ARHGAP10: variants seen among roughly 807,000 people sequenced by gnomAD.
ARHGAP10 encodes rho GTPase-activating protein 10.
ARHGAP10 carries 87 observed loss-of-function variants against 108.6 expected under a neutral mutation model. The observed-to-expected ratio is 0.80, with a 90% confidence interval of 0.67 to 0.96. The LOEUF (loss-of-function observed/expected upper bound fraction) is 0.96. Ranked by LOEUF, ARHGAP10 falls within the 40% of genes least tolerant of loss-of-function variation. The pLI is 0.00. For synonymous variants in ARHGAP10, 347 were observed against 341.1 expected (o/e 1.02, Z -0.19); for missense variants, 939 against 954.5 (o/e 0.98, Z 0.21).
At chr4:147,733,683 AGC>A (rs1728314638) in intron 1 of ARHGAP10, among the ~76,000 whole-genome samples, 1 of 152,220 alleles carries the variant, frequency 6.6e-6, no homozygotes, top group Admixed American at 6.5e-5. Context: ...TCGGGCACCC[AGC>A]ATGGTGCCTG....
intron 1 of ARHGAP10, among the ~76,000 whole-genome samples, chr4:147,734,353 T>G (rs1728341478): frequency 6.6e-6 from 1 of 152,216 alleles, no homozygotes; most frequent in South Asian, 2.1e-4. Context: ...GACTGTAGAC[T>G]TTCTTGAATT....
chr4:148,023,452 G>A, intron 19 of ARHGAP10, 39 bp downstream of exon 19: 1 of 1,599,822 alleles, frequency 6.3e-7, no homozygotes, highest in South Asian at 1.1e-5. Context: ...ATAGCATGTT[G>A]AGAGTATGGC....
chr4:148,049,503 G>T (rs1729030133), intron 20 of ARHGAP10, among the ~76,000 whole-genome samples: 1 of 152,070 alleles, frequency 6.6e-6, no homozygotes, highest in African/African-American at 2.4e-5. Flanking sequence ...GGTTCTCTTT[G>T]CCTCAAATAT....
chr4:147,921,627 T>C (rs1277699572), intron 13 of ARHGAP10, among the ~76,000 whole-genome samples: 1 of 152,132 alleles, frequency 6.6e-6, no homozygotes, highest in East Asian at 1.9e-4. Context: ...AATAACAAAA[T>C]GGCTAAATGT....
intron 16 of ARHGAP10, among the ~76,000 whole-genome samples, chr4:147,962,437 GAT>G (rs973135075): frequency 3.3e-5 from 5 of 152,146 alleles, no homozygotes; most frequent in African/African-American, 1.2e-4. Context: ...GGCCTTTTAA[GAT>G]ATTGTTTCAT....
intron 10 of ARHGAP10, among the ~76,000 whole-genome samples, chr4:147,889,684 C>G (rs1735713639): frequency 6.6e-6 from 1 of 151,996 alleles, no homozygotes; most frequent in African/African-American, 2.4e-5. Flanking sequence ...TTACAAGTAT[C>G]TGTTTTTGCT....
intron 3 of ARHGAP10, among the ~76,000 whole-genome samples, chr4:147,837,109 T>C (rs1450588200): frequency 2.0e-5 from 3 of 152,126 alleles, no homozygotes; most frequent in Non-Finnish European, 4.4e-5. Context: ...GTGGGGGAAC[T>C]TTATTGGCCA....
chr4:148,007,632 C>T (rs548281846), intron 18 of ARHGAP10, among the ~76,000 whole-genome samples: 51 of 152,346 alleles, frequency 3.3e-4, no homozygotes, highest in African/African-American at 1.1e-3. Flanking sequence ...ACACAGAACT[C>T]GCTGTCTCCC....
At chr4:147,786,577 C>G (rs930942967) in intron 1 of ARHGAP10, among the ~76,000 whole-genome samples, 51 of 152,100 alleles carry the variant, frequency 3.4e-4, no homozygotes, top group Admixed American at 3.3e-3. Context: ...TTTCAATGTA[C>G]AGCAGTAGGA....
intron 1 of ARHGAP10, among the ~76,000 whole-genome samples, chr4:147,757,949 T>C (rs1204019856): frequency 6.6e-6 from 1 of 152,172 alleles, no homozygotes; most frequent in Non-Finnish European, 1.5e-5. Context: ...GCAGGCACCA[T>C]ACAAATACAA....
intron 4 of ARHGAP10, among the ~76,000 whole-genome samples, chr4:147,848,365 C>T (rs1733719305): frequency 6.6e-6 from 1 of 152,236 alleles, no homozygotes; most frequent in Admixed American, 6.5e-5. Flanking sequence ...CAGGCTCCTT[C>T]CTTGGATAGT....
chr4:147,891,567 C>G (rs1478613332), intron 10 of ARHGAP10, among the ~76,000 whole-genome samples: 2 of 152,138 alleles, frequency 1.3e-5, no homozygotes, highest in Non-Finnish European at 2.9e-5. Flanking sequence ...GGATATGTTA[C>G]AAGCTGTTGA....
chr4:147,899,842 A>G (rs1051663902), intron 10 of ARHGAP10, among the ~76,000 whole-genome samples: 2 of 150,000 alleles, frequency 1.3e-5, no homozygotes, highest in East Asian at 1.9e-4. Context: ...CCCTTCTCAT[A>G]ATAAAATGTA....
At chr4:147,793,592 G>A (rs1731207163) in intron 1 of ARHGAP10, among the ~76,000 whole-genome samples, 1 of 152,114 alleles carries the variant, frequency 6.6e-6, no homozygotes. Context: ...TCAGAGTAGG[G>A]AATAAAAGTA....
chr4:148,071,564 C>T (rs1730179333), intron 22 of ARHGAP10, among the ~76,000 whole-genome samples: 1 of 151,978 alleles, frequency 6.6e-6, no homozygotes, highest in African/African-American at 2.4e-5. Context: ...TGCAGTGAGC[C>T]GAGATCGCGC....
chr4:147,751,276 T>C (rs532528339), intron 1 of ARHGAP10, among the ~76,000 whole-genome samples: 1 of 152,308 alleles, frequency 6.6e-6, no homozygotes, highest in African/African-American at 2.4e-5. Flanking sequence ...GTTTAGCTAT[T>C]GTTAAACATT....
At chr4:147,965,380 C>T (rs1739167338) in intron 17 of ARHGAP10, among the ~76,000 whole-genome samples, 1 of 152,200 alleles carries the variant, frequency 6.6e-6, no homozygotes, top group Admixed American at 6.5e-5. Flanking sequence ...ATACATTACC[C>T]TATACACAGA....
chr4:148,033,765 C>A (rs1328486493), intron 19 of ARHGAP10, among the ~76,000 whole-genome samples: 1 of 152,086 alleles, frequency 6.6e-6, no homozygotes, highest in Non-Finnish European at 1.5e-5. Flanking sequence ...GAATGGAGTC[C>A]CTTTAGCATG....
At chr4:148,066,881 G>A (rs1729902768) in intron 22 of ARHGAP10, among the ~76,000 whole-genome samples, 1 of 152,204 alleles carries the variant, frequency 6.6e-6, no homozygotes, top group South Asian at 2.1e-4. Context: ...AGAGGCTGCT[G>A]ACCACGATGC....
Sources: allele counts gnomAD v4.1 joint callset (sites outside exome capture counted in the v4.1 genomes callset), GRCh38; gene constraint gnomAD v4.1.1; transcripts MANE v1.5; gene names NCBI Gene and HGNC (gene_info 2026-07-23, HGNC 2026-07-21).